The following KRI1 variants were observed in gnomAD, a reference collection of about 807,000 sequenced individuals.
KRI1 encodes the protein protein KRI1 homolog.
Under a neutral mutation model 97.0 loss-of-function variants are expected in KRI1, and 83 were observed. The observed-to-expected ratio is 0.86, with a 90% CI of 0.72 to 1.03. The LOEUF is 1.03. Ranked by LOEUF, KRI1 falls within the 50% of genes least tolerant of loss-of-function variation. The pLI, the probability that KRI1 is intolerant of heterozygous loss-of-function variation, is 0.00. For synonymous variants in KRI1, 371 were observed against 363.5 expected, an observed-to-expected ratio of 1.02 and a Z score of -0.23; for missense variants, 916 against 928.4, an observed-to-expected ratio of 0.99 and a Z score of 0.17.
At chr19:10,559,239 A>T (rs1916613542) in intron 12 of KRI1, 120 bp downstream of exon 12, 1 of 1,058,316 alleles carries the variant, frequency 9.4e-7, no homozygotes, top group Non-Finnish European at 1.4e-6. Context: ...TCCTGACCTC[A>T]GGTGATCTGC....
chr19:10,556,961 G>A (rs1253928633), intron 16 of KRI1, among the ~76,000 whole-genome samples: 2 of 151,976 alleles, frequency 1.3e-5, no homozygotes, highest in African/African-American at 4.8e-5. Flanking sequence ...CAGCCTGGGT[G>A]ACAGAGCGAG....
At chr19:10,562,880 T>A (rs373549695) in intron 3 of KRI1, 43 bp from the exon 4 acceptor site, 1 of 1,246,784 alleles carries the variant, frequency 8.0e-7, no homozygotes, top group East Asian at 2.3e-5. Flanking sequence ...CACAACCCCC[T>A]TCTTTGCCGT....
chr19:10,558,281 C>T, intron 12 of KRI1, 42 bp from the exon 13 acceptor site: 1 of 1,591,868 alleles, frequency 6.3e-7, no homozygotes, highest in Non-Finnish European at 8.6e-7. Context: ...CCACTCGAGA[C>T]ATAGGAGCTG....
intron 9 of KRI1, 148 bp downstream of exon 9, chr19:10,560,164 T>C: frequency 7.4e-7 from 1 of 1,353,170 alleles, no homozygotes. Flanking sequence ...GCCTATACTC[T>C]GTGGCTCTGC....
intron 3 of KRI1, among the ~76,000 whole-genome samples, chr19:10,564,544 A>G (rs371120297): frequency 6.6e-6 from 1 of 151,938 alleles, no homozygotes; most frequent in East Asian, 1.9e-4. Context: ...CTCCCACCTC[A>G]GCCTCCCAAA....
Position 10,561,160 on chromosome 19 carries a change from A to G in KRI1, c.585+9T>C. ...TCCCCCAGCAGTCCAGTCAGGCCCC[A>G]GTACCCACCTTCTCCTGCCTGGTTT... On this transcript the variant is annotated intron_variant, in intron 7 of 18. Coordinates refer to ENST00000312962, the MANE Select transcript of KRI1 (RefSeq NM_023008.5). 1 of 1,613,650 alleles carries G rather than the reference A, an allele frequency of 6.2e-7. No individual in the cohort carries two copies. Among genetic ancestry groups the G allele is most frequent in the Non-Finnish European group, 8.5e-7 (1 of 1,179,634 alleles).
intron 2 of KRI1, 76 bp downstream of exon 2, chr19:10,565,641 C>G (rs1599538534): frequency 2.7e-6 from 4 of 1,484,378 alleles, no homozygotes; most frequent in Admixed American, 2.2e-5. Context: ...GGGTTCCCCC[C>G]CGTCTACATC....
chr19:10,565,666 G>GT, intron 2 of KRI1, 51 bp downstream of exon 2: 2 of 1,525,134 alleles, frequency 1.3e-6, no homozygotes, highest in Non-Finnish European at 8.8e-7. Context: ...TCGGGGTGCA[G>GT]AGGGGGGCTT....
At chr19:10,561,321 C>T in intron 6 of KRI1, 56 bp from the exon 7 acceptor site, 2 of 1,481,814 alleles carry the variant, frequency 1.3e-6, no homozygotes, top group Admixed American at 3.4e-5. Context: ...TGTCTGCTGC[C>T]CCAGTATTTA....
chr19:10,564,312 T>G (rs1916792957), intron 3 of KRI1, among the ~76,000 whole-genome samples: 1 of 151,376 alleles, frequency 6.6e-6, no homozygotes, highest in Non-Finnish European at 1.5e-5. Flanking sequence ...AATCCCAAAT[T>G]AGCTGGGCGT....
At position 10,557,799 on chromosome 19, in the gene KRI1, C is replaced by T. The variant is rs751879076; in HGVS notation, c.1456G>A (p.Val486Met). Residue 486 changes from valine to methionine, a missense_variant, in exon 15 of 19, where the codon GTG (valine) becomes ATG (methionine). By Grantham distance (21) the Val-to-Met change is conservative. Transcript: ENST00000312962. Reference sequence around the variant, plus strand: ...TCAAACACGGGCTTCTCCTGCCCCACGGCCGCGGCGAAGGGCGACTTGCGC... The same window carrying T: ...TCAAACACGGGCTTCTCCTGCCCCATGGCCGCGGCGAAGGGCGACTTGCGC... Reference protein sequence around the residue: ...KKRKSPFAAAVGQEKPVFEPG... With the variant: ...KKRKSPFAAAMGQEKPVFEPG... 7.4e-6 allele frequency: 12 copies of T among 1,613,292 alleles called. No individual in the cohort carries two copies. Among genetic ancestry groups the T allele is most frequent in the Admixed American group, 5.0e-5 (3 of 59,992 alleles).
intron 12 of KRI1, 56 bp downstream of exon 12, chr19:10,559,303 T>G (rs556550936): frequency 1.9e-3 from 2,972 of 1,555,118 alleles, no homozygotes; most frequent in Non-Finnish European, 2.3e-3. Flanking sequence ...CCGTGGCCAG[T>G]GAGAGCCATG....
In KRI1 at chr19:10,555,785, T is replaced by C. The variant is rs1053906691; in HGVS notation, c.1618-436A>G. Reference sequence around the variant, plus strand: ...GAAAGAGGAAGTGATTGAATGCCGATGGTATAAGCTTAGTACACATCGGCT... The same window carrying C: ...GAAAGAGGAAGTGATTGAATGCCGACGGTATAAGCTTAGTACACATCGGCT... On this transcript the variant is annotated intron_variant, in intron 16 of 18. Transcript: ENST00000312962. Among the ~76,000 whole-genome samples, 7 of 152,302 alleles carry C rather than the reference T, an allele frequency of 4.6e-5. No individual in the cohort carries two copies. In the East Asian group the frequency reaches 5.8e-4, roughly 13 times the overall value.
intron 3 of KRI1, among the ~76,000 whole-genome samples, chr19:10,563,500 C>T (rs1462054333): frequency 3.3e-5 from 5 of 151,782 alleles, no homozygotes; most frequent in Non-Finnish European, 5.9e-5. Flanking sequence ...TGTGCACCAC[C>T]ACGCCCAGCT....
rs1473765348 is a variant in KRI1, at chr19:10,564,241, A to G, written c.274+688T>C. On this transcript the variant is annotated intron_variant, in intron 3 of 18. Transcript: ENST00000312962. ...TTTGGGAGGCCAGGGTGGGCGGATC[A>G]CCTGAAGTTGGGAGTTCGAGACCAG... Among the ~76,000 whole-genome samples the G allele has an allele frequency of 2.0e-5, 3 of 151,506 alleles. No homozygotes were observed. In the East Asian group the frequency reaches 5.8e-4, roughly 29 times the overall value.
At chr19:10,555,687 G>C (rs994413240) in intron 16 of KRI1, among the ~76,000 whole-genome samples, 1 of 152,196 alleles carries the variant, frequency 6.6e-6, no homozygotes. Context: ...CCAACCACCA[G>C]GCTTCCTAAT....
chr19:10,558,623 AC>A (rs1464979383), intron 12 of KRI1, among the ~76,000 whole-genome samples: 3 of 150,664 alleles, frequency 2.0e-5, no homozygotes, highest in African/African-American at 7.3e-5. Flanking sequence ...GCTCACTGCA[AC>A]CCTTGCCTCC....
intron 2 of KRI1, 31 bp from the exon 3 acceptor site, chr19:10,565,065 T>A (rs1916820521): frequency 2.1e-6 from 3 of 1,425,820 alleles, no homozygotes; most frequent in Non-Finnish European, 3.0e-6. Flanking sequence ...GGGATAGATT[T>A]CAGAAGGGAG....
intron 1 of KRI1, 45 bp downstream of exon 1, chr19:10,565,861 C>A (rs3745244): frequency 0.26 from 397,247 of 1,533,094 alleles, 54,531 homozygotes; most frequent in African/African-American, 0.4. Context: ...ACTTCCCAAC[C>A]GGCCGGCGCG....
Sources: allele counts gnomAD v4.1 joint callset (sites outside exome capture counted in the v4.1 genomes callset), GRCh38; gene constraint gnomAD v4.1.1; transcripts MANE v1.5; gene names NCBI Gene and HGNC (gene_info 2026-07-23, HGNC 2026-07-21).